The following CACNA2D1 variants were observed in gnomAD, a reference collection of about 807,000 sequenced individuals.
CACNA2D1 encodes voltage-dependent calcium channel subunit alpha-2/delta-1.
A neutral mutation model predicts 171.5 loss-of-function variants in CACNA2D1; 53 were observed. The observed-to-expected ratio is 0.31, with a 90% CI of 0.25 to 0.39. CACNA2D1 has a LOEUF of 0.39. Ranked by LOEUF, CACNA2D1 falls within the 10% of genes least tolerant of loss-of-function variation. CACNA2D1 has a pLI of 1.00. For synonymous variants in CACNA2D1, 442 were observed against 443.1 expected (o/e 1.00, Z 0.03); for missense variants, 903 against 1,299.8 (o/e 0.69, Z 4.69).
At chr7:82,305,479 C>A (rs983084414) in intron 3 of CACNA2D1, among the ~76,000 whole-genome samples, 4 of 152,124 alleles carry the variant, frequency 2.6e-5, no homozygotes, top group African/African-American at 7.2e-5. Flanking sequence ...ACCTTACCTG[C>A]AGATCTAGGA....
intron 3 of CACNA2D1, among the ~76,000 whole-genome samples, chr7:82,201,632 A>G (rs1799447161): frequency 6.6e-6 from 1 of 152,130 alleles, no homozygotes; most frequent in Admixed American, 6.5e-5. Flanking sequence ...CCCCTTCTCT[A>G]AAGAATGACC....
intron 1 of CACNA2D1, among the ~76,000 whole-genome samples, chr7:82,371,160 A>C (rs1822364515): frequency 6.6e-6 from 1 of 152,230 alleles, no homozygotes; most frequent in African/African-American, 2.4e-5. Flanking sequence ...AATAATGCAT[A>C]GTAATGTAAT....
At chr7:81,968,494 G>T (rs1247573069) in intron 29 of CACNA2D1, among the ~76,000 whole-genome samples, 1 of 151,238 alleles carries the variant, frequency 6.6e-6, no homozygotes, top group Non-Finnish European at 1.5e-5. Flanking sequence ...TTCCCTCAGG[G>T]CTGGAAACTT....
chr7:82,177,068 ATTTTTTTT>A (rs1181991934), intron 3 of CACNA2D1, among the ~76,000 whole-genome samples: 11 of 55,230 alleles, frequency 2.0e-4, no homozygotes, highest in African/African-American at 8.3e-4. Context: ...ACAGGTCTCT[ATTTTTTTT>A]TTTTTTTTTT....
intron 2 of CACNA2D1, among the ~76,000 whole-genome samples, chr7:82,337,684 G>T (rs1249734050): frequency 6.6e-6 from 1 of 152,132 alleles, no homozygotes; most frequent in African/African-American, 2.4e-5. Flanking sequence ...ACCAGACAGA[G>T]TTACATTTCA....
chr7:82,029,076 C>A (rs559957718), intron 12 of CACNA2D1: 12 of 151,684 alleles, frequency 7.9e-5, no homozygotes, highest in African/African-American at 2.4e-4. Context: ...TCAGTCAATG[C>A]AGCCAGCTTC....
intron 10 of CACNA2D1, among the ~76,000 whole-genome samples, chr7:82,043,027 A>C (rs1391010001): frequency 3.9e-5 from 6 of 152,230 alleles, no homozygotes; most frequent in Non-Finnish European, 5.9e-5. Context: ...ATAAATATTT[A>C]CTGAATAAAT....
At chr7:81,997,117 T>C in intron 19 of CACNA2D1, 62 bp downstream of exon 19, 3 of 896,776 alleles carry the variant, frequency 3.3e-6, no homozygotes, top group South Asian at 1.3e-5. Flanking sequence ...CAGATACTTG[T>C]AGAATGAGTG....
chr7:82,139,945 C>CTATTATTATTATTATTATTATTAT (rs4018980), intron 4 of CACNA2D1, among the ~76,000 whole-genome samples: 2 of 142,956 alleles, frequency 1.4e-5, no homozygotes, highest in East Asian at 2.0e-4. Flanking sequence ...ACACACCTGG[C>CTATTATTATTATTATTATTATTAT]TATTATTATT....
chr7:81,999,252 G>C (rs1798349489), intron 18 of CACNA2D1, among the ~76,000 whole-genome samples: 3 of 152,020 alleles, frequency 2.0e-5, no homozygotes, highest in Admixed American at 1.3e-4. Flanking sequence ...TTTTAATATA[G>C]CAATCTAGCT....
intron 4 of CACNA2D1, among the ~76,000 whole-genome samples, chr7:82,165,376 A>G (rs901043806): frequency 5.9e-5 from 9 of 152,052 alleles, no homozygotes; most frequent in Non-Finnish European, 1.2e-4. Flanking sequence ...TTTAATAGAA[A>G]TGGAAAGTGA....
At chr7:82,045,409 T>C (rs916122339) in intron 10 of CACNA2D1, among the ~76,000 whole-genome samples, 1 of 152,138 alleles carries the variant, frequency 6.6e-6, no homozygotes, top group East Asian at 1.9e-4. Flanking sequence ...TTAAAAGAGT[T>C]TTGTACTTAG....
At chr7:82,401,336 G>T (rs1585824583) in intron 1 of CACNA2D1, among the ~76,000 whole-genome samples, 1 of 150,980 alleles carries the variant, frequency 6.6e-6, no homozygotes, top group Non-Finnish European at 1.5e-5. Flanking sequence ...ACTGGATTAA[G>T]AAAATGTGGC....
intron 6 of CACNA2D1, among the ~76,000 whole-genome samples, chr7:82,114,303 A>C (rs1788778117): frequency 2.0e-5 from 3 of 152,206 alleles, no homozygotes; most frequent in Admixed American, 2.0e-4. Flanking sequence ...TCAGTAAAGG[A>C]AGCAAAAGAG....
intron 4 of CACNA2D1, among the ~76,000 whole-genome samples, chr7:82,152,924 A>T (rs1479081188): frequency 6.6e-6 from 1 of 151,720 alleles, no homozygotes; most frequent in East Asian, 1.9e-4. Flanking sequence ...AAATGGCTGC[A>T]TTGGTAATTT....
chr7:82,275,165 A>C (rs1171138191), intron 3 of CACNA2D1, among the ~76,000 whole-genome samples: 1 of 152,096 alleles, frequency 6.6e-6, no homozygotes, highest in Non-Finnish European at 1.5e-5. Context: ...TCACAGCATA[A>C]ATTTATCACT....
At chr7:82,330,375 A>G (rs1440291399) in intron 3 of CACNA2D1, among the ~76,000 whole-genome samples, 1 of 152,158 alleles carries the variant, frequency 6.6e-6, no homozygotes, top group Non-Finnish European at 1.5e-5. Context: ...CAATTACTGC[A>G]GATACTAAAA....
At chr7:82,321,469 G>A (rs1442352906) in intron 3 of CACNA2D1, among the ~76,000 whole-genome samples, 2 of 152,000 alleles carry the variant, frequency 1.3e-5, no homozygotes, top group East Asian at 1.9e-4. Context: ...GATGGCTTTC[G>A]CCTCAAAATG....
At chr7:82,266,491 A>G (rs142987705) in intron 3 of CACNA2D1, among the ~76,000 whole-genome samples, 87 of 152,150 alleles carry the variant, frequency 5.7e-4, no homozygotes, top group Non-Finnish European at 1.1e-3. Flanking sequence ...GTGCTTCCTA[A>G]CAGAAGTCTA....
Sources: gnomAD v4.1 joint callset for allele counts (sites outside exome capture counted in the v4.1 genomes callset) on GRCh38, gnomAD v4.1.1 for gene constraint, MANE v1.5 for transcripts, NCBI Gene and HGNC (gene_info 2026-07-23, HGNC 2026-07-21) for gene names.